MYO5B: variants seen among roughly 807,000 people sequenced by gnomAD.
MYO5B encodes the protein unconventional myosin-Vb.
In MYO5B, 143 loss-of-function variants were observed where a neutral mutation model predicts 229.3. That is an observed-to-expected ratio of 0.62 (90% CI 0.54 to 0.72). The LOEUF is 0.72. Ranked by LOEUF, MYO5B falls within the 30% of genes least tolerant of loss-of-function variation. The pLI is 0.00. For missense variants in MYO5B, 2,321 were observed against 2,331.0 expected, an observed-to-expected ratio of 1.00 and a Z score of 0.09; for synonymous variants, 918 against 885.2, an observed-to-expected ratio of 1.04 and a Z score of -0.66.
chr18:50,027,039 C>G lies in MYO5B; in HGVS notation c.455+9811G>C, dbSNP rs1391105011. 2.0e-5 allele frequency among the ~76,000 whole-genome samples: 3 copies of G among 152,278 alleles called. No homozygotes were observed. In the East Asian group the frequency reaches 5.8e-4, roughly 29 times the overall value. On this transcript the variant is annotated intron_variant, in intron 4 of 39. Coordinates refer to ENST00000285039, the MANE Select transcript of MYO5B (RefSeq NM_001080467.3). ...GCCCATTGTCAGACTAGGTTTTCAG[C>G]TGCTCTGTCTTCTGGGATATAAATG... is the stretch of plus-strand genomic sequence containing the variant.
intron 1 of MYO5B, among the ~76,000 whole-genome samples, chr18:50,078,392 T>A (rs16951461): frequency 0.038 from 5,767 of 152,262 alleles, 362 homozygotes; most frequent in African/African-American, 0.13. Flanking sequence ...AATTTTTCTA[T>A]GCAAGTCCCC....
At chr18:49,862,959 A>G (rs574615691) in intron 29 of MYO5B, among the ~76,000 whole-genome samples, 2 of 141,202 alleles carry the variant, frequency 1.4e-5, no homozygotes, top group South Asian at 2.2e-4. Context: ...AGACCTTCCT[A>G]TTCCACTCCT....
intron 4 of MYO5B, among the ~76,000 whole-genome samples, chr18:50,018,562 G>GAT (rs1221868759): frequency 2.0e-5 from 3 of 152,124 alleles, no homozygotes; most frequent in African/African-American, 7.2e-5. Flanking sequence ...CTTCCGGGTA[G>GAT]GCACTTTCTG....
At chr18:50,147,355 C>A (rs73430378) in intron 1 of MYO5B, among the ~76,000 whole-genome samples, 3,188 of 152,296 alleles carry the variant, frequency 0.021, 99 homozygotes, top group African/African-American at 0.073. Flanking sequence ...CTCCTCTAAT[C>A]CCTGCCACTG....
rs1221759785 is a variant in MYO5B, at chr18:49,894,844, C to A, written c.3045+97G>T. 4 of 1,074,808 alleles carry A rather than the reference C, an allele frequency of 3.7e-6. No homozygotes were observed. In the Admixed American group the frequency reaches 7.1e-5, roughly 19 times the overall value. The allele number at this position is 1,074,808 out of a possible 1,614,324, so 66.6% of individuals were successfully genotyped here. A position where few individuals can be genotyped will look rare whatever the true frequency, so the allele number is the denominator to read the frequency against. On this transcript the variant is annotated intron_variant, in intron 22 of 39. Transcript: ENST00000285039. ...TGTGCACATGAGCCCAAGACCATGG[C>A]AATTTTACCACTTGAAGCAGCAGTG...
intron 1 of MYO5B, among the ~76,000 whole-genome samples, chr18:50,063,308 C>G (rs2030735439): frequency 6.6e-6 from 1 of 152,198 alleles, no homozygotes; most frequent in African/African-American, 2.4e-5. Flanking sequence ...ATGCTTTCCA[C>G]TGGAAAGCTC....
chr18:50,176,452 T>G (rs1487296256), intron 1 of MYO5B, among the ~76,000 whole-genome samples: 1 of 152,230 alleles, frequency 6.6e-6, no homozygotes, highest in Non-Finnish European at 1.5e-5. Context: ...CACATATAAC[T>G]GCATTTCTGA....
intron 39 of MYO5B, among the ~76,000 whole-genome samples, chr18:49,832,598 G>A (rs2023936645): frequency 6.6e-6 from 1 of 152,212 alleles, no homozygotes; most frequent in African/African-American, 2.4e-5. Flanking sequence ...GTCAGCTGGA[G>A]CATGGCACTG....
At chr18:49,880,907 A>C (rs2024579113) in intron 22 of MYO5B, among the ~76,000 whole-genome samples, 1 of 152,238 alleles carries the variant, frequency 6.6e-6, no homozygotes, top group Non-Finnish European at 1.5e-5. Context: ...ACTCCCTGGC[A>C]CCATGCTCCT....
intron 30 of MYO5B, 130 bp downstream of exon 30, chr18:49,856,683 G>A: frequency 1.3e-6 from 1 of 780,300 alleles, no homozygotes; most frequent in South Asian, 1.4e-5. Context: ...AACCACAGGG[G>A]CTACCAGCCA....
intron 5 of MYO5B, among the ~76,000 whole-genome samples, chr18:50,000,640 A>G (rs533152000): frequency 6.6e-6 from 1 of 152,310 alleles, no homozygotes; most frequent in East Asian, 1.9e-4. Context: ...AGTTGTGTCA[A>G]CTGCTCTGAG....
rs1381849663 is a variant in MYO5B at position 50,005,467 on chromosome 18, G to A, written c.456-4056C>T. Among the ~76,000 whole-genome samples the A allele has an allele frequency of 2.6e-5, 4 of 152,340 alleles. No homozygotes were observed. In the East Asian group the frequency reaches 7.7e-4, roughly 29 times the overall value. ...ACTCTGTCACCCAGGCTGGAGTACAGTGGCACAATCACAGCTCACTGCAGC... is the reference window on the plus strand; with the variant it reads ...ACTCTGTCACCCAGGCTGGAGTACAATGGCACAATCACAGCTCACTGCAGC... On this transcript the variant is annotated intron_variant, in intron 4 of 39. Coordinates refer to ENST00000285039, the MANE Select transcript of MYO5B (RefSeq NM_001080467.3).
chr18:50,078,277 T>C (rs2031134923), intron 1 of MYO5B, among the ~76,000 whole-genome samples: 1 of 152,188 alleles, frequency 6.6e-6, no homozygotes. Flanking sequence ...GGGAGTAGAT[T>C]AGGTGCCTTT....
chr18:50,102,927 T>A (rs1298056495), intron 1 of MYO5B, among the ~76,000 whole-genome samples: 2 of 152,088 alleles, frequency 1.3e-5, no homozygotes, highest in African/African-American at 4.8e-5. Flanking sequence ...GTCCTTTTTT[T>A]TTTCTTCCCC....
chr18:50,050,043 A>G (rs968390309), intron 2 of MYO5B, among the ~76,000 whole-genome samples: 21 of 152,182 alleles, frequency 1.4e-4, no homozygotes, highest in Admixed American at 1.4e-3. Flanking sequence ...TAGCAATATT[A>G]CCAGTAGATA....
At chr18:50,023,136 CA>C (rs55848235) in intron 4 of MYO5B, among the ~76,000 whole-genome samples, 133,900 of 144,708 alleles carry the variant, frequency 0.93, 62,471 homozygotes, top group South Asian at 0.99. Flanking sequence ...CAATGTCTTA[CA>C]AAAAAAAAAA....
chr18:49,913,687 C>T (rs2024982311), intron 17 of MYO5B, among the ~76,000 whole-genome samples: 1 of 152,112 alleles, frequency 6.6e-6, no homozygotes. Flanking sequence ...GCCTGGATAC[C>T]CATGGCCCTA....
chr18:49,919,393 T>C (rs888757232), intron 17 of MYO5B, among the ~76,000 whole-genome samples: 1 of 152,146 alleles, frequency 6.6e-6, no homozygotes, highest in East Asian at 1.9e-4. Context: ...GTTCACAGAA[T>C]GGAAGAAAAT....
chr18:50,194,294 A>T (rs2144369157), intron 1 of MYO5B, among the ~76,000 whole-genome samples: 1 of 152,206 alleles, frequency 6.6e-6, no homozygotes, highest in East Asian at 1.9e-4. Context: ...GGAGGAAAGG[A>T]CGCCTCGGAG....
Sources: allele counts gnomAD v4.1 joint callset (sites outside exome capture counted in the v4.1 genomes callset), GRCh38; gene constraint gnomAD v4.1.1; transcripts MANE v1.5; gene names NCBI Gene and HGNC (gene_info 2026-07-23, HGNC 2026-07-21).